MTCL2: variants seen among roughly 807,000 people sequenced by gnomAD.
MTCL2 encodes the protein microtubule crosslinking factor 2.
the MTCL2 span, chr20:36,785,098 C>T: frequency 1.1e-5 from 11 of 985,222 alleles, no homozygotes; most frequent in South Asian, 1.4e-4. Context: ...ATAGACTGAC[C>T]GCTGGGGCTG....
the MTCL2 span, chr20:36,802,733 G>A: frequency 8.4e-7 from 1 of 1,192,144 alleles, no homozygotes; most frequent in Non-Finnish European, 1.2e-6. Context: ...AGGAGATGGT[G>A]TGCCAGACCT....
At chr20:36,818,646 T>C in the MTCL2 span, among the ~76,000 whole-genome samples, 4 of 152,112 alleles carry the variant, frequency 2.6e-5, no homozygotes, top group Admixed American at 1.3e-4. Context: ...AAAAATAAGA[T>C]GTTTAAAATC....
chr20:36,798,101 A>G, the MTCL2 span, among the ~76,000 whole-genome samples: 1 of 148,532 alleles, frequency 6.7e-6, no homozygotes, highest in Admixed American at 6.7e-5. Flanking sequence ...ACAGGGTCTT[A>G]CTCTGTTGTC....
chr20:36,793,264 C>T, the MTCL2 span: 4 of 1,551,318 alleles, frequency 2.6e-6, no homozygotes, highest in Non-Finnish European at 3.5e-6. The surrounding 1 kb of genome is among the most constrained non-coding windows in gnomAD (Gnocchi z 6.8). Flanking sequence ...TGGGAAGGAC[C>T]ACGGCTCCAT....
chr20:36,783,703 T>C, the MTCL2 span: 1 of 943,498 alleles, frequency 1.1e-6, no homozygotes, highest in Non-Finnish European at 1.3e-6. Flanking sequence ...CCACTGTGGG[T>C]CAGGCAGTTT....
chr20:36,794,420 T>C, the MTCL2 span: 1 of 1,613,936 alleles, frequency 6.2e-7, no homozygotes, highest in Non-Finnish European at 8.5e-7. The surrounding 1 kb of genome is among the most constrained non-coding windows in gnomAD (Gnocchi z 5.4). Flanking sequence ...GTGGTTGCAG[T>C]CCCTCGACGA....
the MTCL2 span, among the ~76,000 whole-genome samples, chr20:36,795,882 T>C: frequency 6.6e-6 from 1 of 151,850 alleles, no homozygotes; most frequent in Admixed American, 6.6e-5. Context: ...CAACAAACAA[T>C]AGGTGGGATA....
chr20:36,841,867 GGGGTGGGGTGT>G, the MTCL2 span, among the ~76,000 whole-genome samples: 2 of 131,816 alleles, frequency 1.5e-5, no homozygotes, highest in Non-Finnish European at 3.2e-5. Flanking sequence ...TCGGGGGTGG[GGGGTGGGGTGT>G]GTGTGTGTGT....
the MTCL2 span, among the ~76,000 whole-genome samples, chr20:36,800,991 C>T: frequency 1.4e-4 from 22 of 152,282 alleles, no homozygotes; most frequent in African/African-American, 5.3e-4. Flanking sequence ...AATATTCATG[C>T]GTGTGCAGAA....
the MTCL2 span, among the ~76,000 whole-genome samples, chr20:36,826,443 T>A: frequency 6.9e-6 from 1 of 145,784 alleles, no homozygotes; most frequent in Non-Finnish European, 1.5e-5. Context: ...AGTGGCACCA[T>A]CATAGCTCAC....
chr20:36,786,285 G>A, the MTCL2 span: 3 of 1,265,634 alleles, frequency 2.4e-6, no homozygotes, highest in Non-Finnish European at 3.0e-6. Flanking sequence ...GGAAGTCGAA[G>A]CTCACCACCC....
At chr20:36,784,634 C>T in the MTCL2 span, 4 of 985,378 alleles carry the variant, frequency 4.1e-6, no homozygotes, top group South Asian at 9.4e-5. Context: ...AAGGGGTTCA[C>T]CGGCACCAAG....
At chr20:36,799,279 T>C in the MTCL2 span, among the ~76,000 whole-genome samples, 6 of 152,088 alleles carry the variant, frequency 3.9e-5, no homozygotes, top group East Asian at 1.2e-3. Flanking sequence ...TCACCTGAGG[T>C]TGGGAGTTCG....
At chr20:36,803,956 CAA>C in the MTCL2 span, among the ~76,000 whole-genome samples, 37 of 43,048 alleles carry the variant, frequency 8.6e-4, no homozygotes, top group South Asian at 2.9e-3. Context: ...GATGCCGTCT[CAA>C]AAAAAAAAAA....
chr20:36,784,321 A>C, the MTCL2 span: 2 of 986,072 alleles, frequency 2.0e-6, no homozygotes, highest in Non-Finnish European at 2.4e-6. Flanking sequence ...GGCATGGAGG[A>C]GGCGGCTGGC....
chr20:36,805,484 C>T, the MTCL2 span, among the ~76,000 whole-genome samples: 1 of 152,214 alleles, frequency 6.6e-6, no homozygotes, highest in African/African-American at 2.4e-5. Flanking sequence ...CTTACCCTTA[C>T]CATGTACCTC....
At chr20:36,804,518 A>G in the MTCL2 span, among the ~76,000 whole-genome samples, 1 of 152,096 alleles carries the variant, frequency 6.6e-6, no homozygotes. Context: ...GCAATCCCCC[A>G]CCTTCCTTCC....
the MTCL2 span, among the ~76,000 whole-genome samples, chr20:36,831,683 G>C: frequency 3.3e-5 from 5 of 152,164 alleles, no homozygotes; most frequent in Admixed American, 1.3e-4. Context: ...AGCCAGGAGC[G>C]GGCCCATGAG....
the MTCL2 span, among the ~76,000 whole-genome samples, chr20:36,826,549 C>T: frequency 2.7e-5 from 4 of 148,834 alleles, no homozygotes; most frequent in South Asian, 2.2e-4. Flanking sequence ...GGCTAAATTT[C>T]GTATTTTTTG....
Sources: gnomAD v4.1 joint callset for allele counts (sites outside exome capture counted in the v4.1 genomes callset) on GRCh38, gnomAD v4.1.1 for gene constraint, Gnocchi (gnomAD v3.1) non-coding constraint, MANE v1.5 for transcripts, NCBI Gene and HGNC (gene_info 2026-07-23, HGNC 2026-07-21) for gene names.